The following TENM2 variants were observed in gnomAD, a reference collection of about 807,000 sequenced individuals.
TENM2 encodes the protein teneurin-2.
In TENM2, 52 loss-of-function variants were observed where a neutral mutation model predicts 245.2. The observed-to-expected ratio is 0.21, with a 90% CI of 0.17 to 0.27. The LOEUF (loss-of-function observed/expected upper bound fraction) is 0.27, where lower values mean the gene tolerates loss of function less well. Ranked by LOEUF, TENM2 falls within the 10% of genes least tolerant of loss-of-function variation. The probability of loss-of-function intolerance (pLI) is 1.00; values close to 1 mark genes in which losing one functional copy is unlikely to be tolerated. For synonymous variants in TENM2, 1,363 were observed against 1,438.9 expected (o/e 0.95, Z 1.19); for missense variants, 3,046 against 3,666.8 (o/e 0.83, Z 4.37).
intron 1 of TENM2, among the ~76,000 whole-genome samples, chr5:167,302,304 A>C (rs902967398): frequency 6.6e-6 from 1 of 152,018 alleles, no homozygotes; most frequent in African/African-American, 2.4e-5. Context: ...GTCAGGTGTG[A>C]GTTGAAGAGG....
chr5:167,257,392 G>C, the TENM2 span, among the ~76,000 whole-genome samples: 1 of 151,888 alleles, frequency 6.6e-6, no homozygotes, highest in African/African-American at 2.4e-5. Context: ...ACAACCAATT[G>C]TTTCCATATA....
chr5:168,250,357 C>G (rs1767011060), intron 27 of TENM2, among the ~76,000 whole-genome samples: 1 of 152,126 alleles, frequency 6.6e-6, no homozygotes, highest in African/African-American at 2.4e-5. Flanking sequence ...AGCAAGCAGG[C>G]TGGGGCCATC....
the TENM2 span, among the ~76,000 whole-genome samples, chr5:167,105,538 G>A: frequency 2.0e-5 from 3 of 152,092 alleles, no homozygotes; most frequent in Admixed American, 6.6e-5. Flanking sequence ...ACTATGCAGT[G>A]GACAAGCTGA....
intron 1 of TENM2, among the ~76,000 whole-genome samples, chr5:167,371,182 T>C (rs887987466): frequency 6.6e-6 from 1 of 152,000 alleles, no homozygotes; most frequent in South Asian, 2.1e-4. Context: ...AGCTTCTCAA[T>C]AGAGTAAATC....
chr5:168,190,865 C>A, intron 14 of TENM2: 1 of 195,370 alleles, frequency 5.1e-6, no homozygotes, highest in Non-Finnish European at 1.0e-5. Context: ...TTAAATCTCC[C>A]TTTAAAATGC....
chr5:167,383,086 G>A (rs538798171), intron 2 of TENM2, among the ~76,000 whole-genome samples: 2 of 152,194 alleles, frequency 1.3e-5, no homozygotes, highest in Non-Finnish European at 2.9e-5. Context: ...AAGCCATTGT[G>A]TGTATGTCTC....
At chr5:167,766,869 A>T (rs1763060797) in intron 2 of TENM2, among the ~76,000 whole-genome samples, 1 of 151,998 alleles carries the variant, frequency 6.6e-6, no homozygotes, top group Non-Finnish European at 1.5e-5. Flanking sequence ...ACAGAGTGAG[A>T]CTCCATCTCA....
chr5:166,979,047 G>A, the TENM2 span, among the ~76,000 whole-genome samples: 16 of 151,974 alleles, frequency 1.1e-4, no homozygotes, highest in African/African-American at 3.9e-4. Flanking sequence ...GAGAGCTCGC[G>A]TGCAGGAGTC....
rs1756868709 is a variant in TENM2 at position 167,323,145 on chromosome 5, T to A, written c.226+38082T>A. On this transcript the variant is annotated intron_variant, in intron 1 of 28. Transcript: ENST00000518659. ...ATTCTGAAAGGAGGATTTATACTAG[T>A]ACAGCATATAGAGCTCGACCGAACT... 3.9e-5 allele frequency among the ~76,000 whole-genome samples: 6 copies of A among 152,222 alleles called. No individual in the cohort carries two copies. In the South Asian group the frequency reaches 1.2e-3, roughly 31 times the overall value.
intron 2 of TENM2, among the ~76,000 whole-genome samples, chr5:167,794,342 T>TA (rs1765179673): frequency 6.6e-6 from 1 of 152,162 alleles, no homozygotes; most frequent in Non-Finnish European, 1.5e-5. Flanking sequence ...GAAAGGGAAA[T>TA]AAATTGTTTT....
At chr5:168,004,400 C>T (rs1336544680) in intron 5 of TENM2, among the ~76,000 whole-genome samples, 3 of 152,086 alleles carry the variant, frequency 2.0e-5, no homozygotes, top group Admixed American at 1.3e-4. Context: ...CTGGTCTAGA[C>T]CAGGACATAG....
the TENM2 span, among the ~76,000 whole-genome samples, chr5:167,207,075 C>T: frequency 6.6e-6 from 1 of 151,690 alleles, no homozygotes; most frequent in African/African-American, 2.4e-5. Flanking sequence ...TTGAGATTCC[C>T]CTGGAGCCCT....
chr5:168,075,099 C>T (rs1225861685), intron 7 of TENM2, among the ~76,000 whole-genome samples: 1 of 152,116 alleles, frequency 6.6e-6, no homozygotes, highest in African/African-American at 2.4e-5. Flanking sequence ...TCCACCCTTT[C>T]CCCTGAGGCC....
chr5:168,047,476 C>T, exon 6 of TENM2: 1 of 1,551,712 alleles, frequency 6.4e-7, no homozygotes, highest in South Asian at 1.2e-5. Flanking sequence ...CAGATGGGCA[C>T]ACCTTTAACA....
intron 9 of TENM2, among the ~76,000 whole-genome samples, chr5:168,098,777 G>A (rs1793570627): frequency 6.6e-6 from 1 of 151,718 alleles, no homozygotes; most frequent in Non-Finnish European, 1.5e-5. Flanking sequence ...TTACCCACAG[G>A]CACACACACA....
At chr5:167,804,389 C>T (rs921699846) in intron 2 of TENM2, among the ~76,000 whole-genome samples, 8 of 152,012 alleles carry the variant, frequency 5.3e-5, no homozygotes, top group Non-Finnish European at 8.8e-5. Flanking sequence ...GATCTGAGGG[C>T]GTAGAGCATG....
At chr5:167,017,803 G>A in the TENM2 span, among the ~76,000 whole-genome samples, 1 of 152,116 alleles carries the variant, frequency 6.6e-6, no homozygotes, top group Non-Finnish European at 1.5e-5. Context: ...ATTGCGTGAT[G>A]CCATAGCATT....
At chr5:168,209,901 G>T (rs1762655622) in intron 19 of TENM2, among the ~76,000 whole-genome samples, 1 of 152,188 alleles carries the variant, frequency 6.6e-6, no homozygotes, top group Non-Finnish European at 1.5e-5. Flanking sequence ...CAGCATGATG[G>T]CAGCTCTGAG....
At chr5:168,028,721 G>C (rs1284719509) in intron 5 of TENM2, among the ~76,000 whole-genome samples, 1 of 150,644 alleles carries the variant, frequency 6.6e-6, no homozygotes, top group Non-Finnish European at 1.5e-5. Context: ...GGCTGTGTCT[G>C]TATCCAACAC....
Sources: gnomAD v4.1 joint callset for allele counts (sites outside exome capture counted in the v4.1 genomes callset) on GRCh38, gnomAD v4.1.1 for gene constraint, MANE v1.5 for transcripts, NCBI Gene and HGNC (gene_info 2026-07-23, HGNC 2026-07-21) for gene names.